Variants in EFR3A observed in about 807,000 individuals in gnomAD.
The protein encoded by EFR3A is protein EFR3 homolog A.
A neutral mutation model predicts 104.4 loss-of-function variants in EFR3A; 76 were observed. The ratio of observed to expected loss-of-function variants is 0.73; its 90% CI spans 0.60 to 0.88. EFR3A has a LOEUF of 0.88. Among genes scored for constraint, EFR3A ranks in the 40% least tolerant of loss-of-function variants. The probability of loss-of-function intolerance (pLI) is 0.00; values close to 1 mark genes in which losing one functional copy is unlikely to be tolerated. For missense variants in EFR3A, 985 were observed against 1,012.5 expected, an observed-to-expected ratio of 0.97 and a Z score of 0.37; for synonymous variants, 330 against 330.0, an observed-to-expected ratio of 1.00 and a Z score of 0.00.
chr8:131,941,868 C>T (rs1818187323), intron 2 of EFR3A, among the ~76,000 whole-genome samples: 2 of 151,962 alleles, frequency 1.3e-5, no homozygotes, highest in African/African-American at 2.4e-5. Context: ...ATATTTGAAG[C>T]CTAGAGCAAG....
chr8:131,973,656 G>C (rs977551173), intron 10 of EFR3A, among the ~76,000 whole-genome samples: 2 of 152,018 alleles, frequency 1.3e-5, no homozygotes, highest in Non-Finnish European at 2.9e-5. Flanking sequence ...AGATCATGGC[G>C]TTATTCCTGT....
At chr8:131,965,952 A>G (rs1013923218) in intron 8 of EFR3A, among the ~76,000 whole-genome samples, 3 of 152,108 alleles carry the variant, frequency 2.0e-5, no homozygotes, top group Non-Finnish European at 4.4e-5. Flanking sequence ...TCAGCAAACT[A>G]TCGCAAGGAC....
In EFR3A at chr8:131,968,353, AAG is replaced by A. The variant is rs756420162; in HGVS notation, c.916_917del (p.Asp306CysfsTer21). The A allele has an allele frequency of 6.2e-7, 1 of 1,613,620 alleles. No homozygotes were observed. The stretch of plus-strand genomic sequence containing the variant: ...CTAGGACACCTTGATGCTCGTAAAA[AAG>A]ATGCTCCCCGGGTTCGAGCAGGTAT... On this transcript the variant is annotated frameshift_variant, in exon 9 of 23. Transcript: ENST00000254624. LOFTEE classifies it high-confidence loss of function.
intron 18 of EFR3A, 67 bp from the exon 19 acceptor site, chr8:131,996,337 TAG>T (rs1227621362): frequency 2.1e-6 from 2 of 956,050 alleles, no homozygotes; most frequent in South Asian, 1.8e-5. Context: ...CTGAAATAAG[TAG>T]AGTTTATAAA....
intron 22 of EFR3A, among the ~76,000 whole-genome samples, chr8:132,003,907 A>G (rs151300200): frequency 2.6e-4 from 40 of 152,318 alleles, no homozygotes; most frequent in African/African-American, 8.7e-4. Flanking sequence ...CAGTGTGGAA[A>G]CCTGCCTTTG....
intron 2 of EFR3A, among the ~76,000 whole-genome samples, chr8:131,944,442 T>C (rs1818319990): frequency 6.6e-6 from 1 of 152,126 alleles, no homozygotes; most frequent in Non-Finnish European, 1.5e-5. Flanking sequence ...TTGAAATCTT[T>C]TTACATCTAT....
chr8:131,965,092 A>G (rs1229660700), intron 8 of EFR3A, among the ~76,000 whole-genome samples: 1 of 152,214 alleles, frequency 6.6e-6, no homozygotes, highest in African/African-American at 2.4e-5. Flanking sequence ...CTTAAATGTT[A>G]GACTTAAAAC....
intron 1 of EFR3A, among the ~76,000 whole-genome samples, chr8:131,905,788 G>A (rs1221638178): frequency 6.6e-6 from 1 of 152,210 alleles, no homozygotes; most frequent in East Asian, 1.9e-4. Context: ...GAAACCAAAG[G>A]GGAGGAGGTA....
At position 131,946,524 on chromosome 8, in the gene EFR3A, T is replaced by C; in HGVS notation, c.257T>C (p.Met86Thr). The C allele has an allele frequency of 6.2e-7, 1 of 1,607,866 alleles. No homozygotes were observed. Among genetic ancestry groups the C allele is most frequent in the Non-Finnish European group, 8.5e-7 (1 of 1,177,026 alleles). ...ATGGAGGCACTGGACCAACTTCTCA[T>C]GGCTTGCCATTCTCAAAGCATTAAG... ...IAMEALDQLL[M>T]ACHSQSIKPF... The change falls in exon 4 of 23, where the codon ATG becomes ACG. Residue 86 changes from methionine (M) to threonine (T), a missense_variant. Met to Thr is a moderately conservative substitution (Grantham distance 81). Transcript: ENST00000254624.
At chr8:131,911,468 A>G (rs1020682196) in intron 1 of EFR3A, among the ~76,000 whole-genome samples, 1 of 152,214 alleles carries the variant, frequency 6.6e-6, no homozygotes, top group African/African-American at 2.4e-5. Flanking sequence ...ATGAAATTGA[A>G]TAGAATTTGA....
Position 131,967,644 on chromosome 8 carries a change from G to A in EFR3A, c.856-651G>A, listed in dbSNP as rs180924159. On this transcript the variant is annotated intron_variant, in intron 8 of 22. Transcript: ENST00000254624. ...TTTGGCTATCCTTTTTTTGATTTAG[G>A]CCCCAATATCATTCACTATGGTTGA... Among the ~76,000 whole-genome samples the A allele has an allele frequency of 1.1e-4, 17 of 149,144 alleles. No homozygotes were observed. The East Asian group carries it at 2.7e-3, about 24-fold the overall frequency.
intron 1 of EFR3A, among the ~76,000 whole-genome samples, chr8:131,938,623 A>G: frequency 6.6e-6 from 1 of 152,226 alleles, no homozygotes; most frequent in East Asian, 1.9e-4. Context: ...TGCATCCCTC[A>G]TCTGTTAGGC....
At chr8:132,004,232 T>C (rs1385508208) in intron 22 of EFR3A, among the ~76,000 whole-genome samples, 3 of 152,190 alleles carry the variant, frequency 2.0e-5, no homozygotes, top group Non-Finnish European at 4.4e-5. Flanking sequence ...AAATATTCAA[T>C]ATGTGCTAGA....
chr8:131,994,470 T>G lies in EFR3A; in HGVS notation c.2066-1936T>G, dbSNP rs16904567. Among the ~76,000 whole-genome samples the G allele has an allele frequency of 6.9e-3, 1,052 of 152,302 alleles. 9 individuals are homozygous for G. Among genetic ancestry groups the G allele is most frequent in the African/African-American group, 0.025 (1,024 of 41,556 alleles). On this transcript the variant is annotated intron_variant, in intron 18 of 22. Transcript: ENST00000254624. ...TCCATTTATCTCTGTGTACCATGCA[T>G]GCATTATAATTTAATGTGTGCAGTG...
intron 19 of EFR3A, among the ~76,000 whole-genome samples, chr8:131,999,633 C>T (rs941391897): frequency 1.3e-5 from 2 of 151,356 alleles, no homozygotes; most frequent in African/African-American, 4.9e-5. Flanking sequence ...AAGTACGTAG[C>T]TTGTATTTAC....
intron 18 of EFR3A, among the ~76,000 whole-genome samples, chr8:131,990,123 G>A (rs544467615): frequency 6.6e-6 from 1 of 152,276 alleles, no homozygotes. Context: ...TGAACAAGAC[G>A]GGTAGGTCCC....
chr8:132,006,937 G>A (rs1315372040), intron 22 of EFR3A, among the ~76,000 whole-genome samples: 1 of 151,846 alleles, frequency 6.6e-6, no homozygotes, highest in Non-Finnish European at 1.5e-5. Context: ...AGGAAAAAAA[G>A]CATTTGAAAA....
chr8:132,010,330 G>C (rs1822265804), intron 22 of EFR3A, among the ~76,000 whole-genome samples: 1 of 146,384 alleles, frequency 6.8e-6, no homozygotes, highest in African/African-American at 2.5e-5. Flanking sequence ...TATAAGAACA[G>C]ACTTTTTAAC....
At chr8:131,940,851 T>A (rs1818138247) in intron 2 of EFR3A, among the ~76,000 whole-genome samples, 1 of 152,136 alleles carries the variant, frequency 6.6e-6, no homozygotes, top group African/African-American at 2.4e-5. Context: ...CACTGTCGCA[T>A]TAATTTATGT....
Sources: allele counts gnomAD v4.1 joint callset (sites outside exome capture counted in the v4.1 genomes callset), GRCh38; gene constraint gnomAD v4.1.1; transcripts MANE v1.5; gene names NCBI Gene and HGNC (gene_info 2026-07-23, HGNC 2026-07-21).